Variants in SLC12A3 observed in about 807,000 individuals in gnomAD.
SLC12A3 encodes solute carrier family 12 member 3.
SLC12A3 carries 104 observed loss-of-function variants against 121.0 expected under a neutral mutation model. The ratio of observed to expected loss-of-function variants is 0.86; its 90% CI spans 0.73 to 1.01. The LOEUF is 1.01. SLC12A3 is among the 50% of genes least tolerant of loss of function. The pLI, the probability that SLC12A3 is intolerant of heterozygous loss-of-function variation, is 0.00. For synonymous variants in SLC12A3, 536 were observed against 533.4 expected (o/e 1.00, Z -0.07); for missense variants, 1,328 against 1,356.3 (o/e 0.98, Z 0.33).
intron 22 of SLC12A3, 98 bp downstream of exon 22, chr16:56,894,740 C>G (rs745597126): frequency 1.1e-6 from 1 of 875,584 alleles, no homozygotes. Flanking sequence ...TACCACCACC[C>G]CCAGGTGGGC....
rs752594293 is a variant in SLC12A3 at position 56,879,133 on chromosome 16, G to A, written c.1241G>A (p.Gly414Asp). 1.9e-6 allele frequency: 3 copies of A among 1,613,892 alleles called. No individual in the cohort carries two copies. The highest frequency in any genetic ancestry group is 2.5e-6 in the Non-Finnish European group (3 of 1,179,988). ...VLNDTVTPGW[G>D]ACEGLACSYG... The stretch of plus-strand genomic sequence containing the variant: ...AATGACACAGTGACCCCTGGCTGGG[G>A]TGCCTGCGAGGGGCTGGCCTGCAGC... Residue 414 changes from glycine (G) to aspartate (D), a missense_variant, in exon 10 of 26, where the codon GGT (glycine) becomes GAT (aspartate). Gly to Asp is a moderately conservative substitution (Grantham distance 94). Coordinates refer to ENST00000563236, the MANE Select transcript of SLC12A3 (RefSeq NM_001126108.2).
chr16:56,868,428 A>G, intron 3 of SLC12A3, 56 bp downstream of exon 3: 2 of 1,518,228 alleles, frequency 1.3e-6, no homozygotes, highest in Non-Finnish European at 1.8e-6. Flanking sequence ...CATTCTTCCC[A>G]GCTTGCCTGA....
chr16:56,913,156 C>A (rs1255242971), intron 25 of SLC12A3, 108 bp from the exon 26 acceptor site: 16 of 1,448,692 alleles, frequency 1.1e-5, no homozygotes, highest in Non-Finnish European at 1.4e-5. Flanking sequence ...GTGGAAGGAG[C>A]TCTGAGGGAC....
At chr16:56,898,253 GGTTTTGTTTT>G (rs71381143) in intron 22 of SLC12A3, among the ~76,000 whole-genome samples, 23,721 of 151,446 alleles carry the variant, frequency 0.16, 2,333 homozygotes, top group African/African-American at 0.27. Context: ...AGTTTGATTT[GGTTTTGTTTT>G]GTTTTGTTTT....
In SLC12A3 at chr16:56,885,323, G is replaced by T. The variant is rs5802; in HGVS notation, c.1884G>T (p.Ser628=). 6.4e-7 allele frequency: 1 copy of T among 1,555,830 alleles called. No individual in the cohort carries two copies. Among genetic ancestry groups the T allele is most frequent in the Admixed American group, 1.9e-5 (1 of 51,546 alleles). Residue 628 remains serine (S), a synonymous_variant, in exon 15 of 26, where the codon TCG becomes TCT. Transcript: ENST00000563236. ...AGSYNLALSY[S]VGLNEVEDHI... ...CCTACAACCTGGCCCTCAGCTACTC[G>T]GTGGGCCTCAATGAGGTGGAAGACC...
Position 56,903,212 on chromosome 16 carries a change from C to T in SLC12A3, c.2856+704C>T, listed in dbSNP as rs1484412216. On this transcript the variant is annotated intron_variant, in intron 24 of 25. Transcript: ENST00000563236. ...CTGCCTGACCTTCCCTGCTTAGCCT[C>T]TAGACCCTACCCCTGCCACAGCTCA... 5.3e-5 allele frequency among the ~76,000 whole-genome samples: 8 copies of T among 152,144 alleles called. No individual in the cohort carries two copies. The South Asian group carries it at 1.5e-3, about 28-fold the overall frequency.
chr16:56,894,733 C>T (rs1255108540), intron 22 of SLC12A3, 91 bp downstream of exon 22: 12 of 945,686 alleles, frequency 1.3e-5, no homozygotes, highest in Non-Finnish European at 2.0e-5. Flanking sequence ...GATCCTCTAC[C>T]ACCACCCCCA....
At chr16:56,912,107 G>T (rs2055694082) in intron 25 of SLC12A3, among the ~76,000 whole-genome samples, 1 of 152,268 alleles carries the variant, frequency 6.6e-6, no homozygotes, top group Non-Finnish European at 1.5e-5. Flanking sequence ...AAGGAGCGCG[G>T]TGCTGCGGGC....
chr16:56,904,822 G>A, intron 25 of SLC12A3: 2 of 352,816 alleles, frequency 5.7e-6, no homozygotes, highest in South Asian at 4.5e-5. Flanking sequence ...GGAATTACTT[G>A]GCCCTCCTTG....
intron 12 of SLC12A3, 149 bp downstream of exon 12, chr16:56,880,402 G>A (rs2055225252): frequency 2.0e-6 from 2 of 979,916 alleles, no homozygotes; most frequent in Non-Finnish European, 3.0e-6. Context: ...CTTGAGGGGT[G>A]AGACCCCACC....
chr16:56,887,475 C>A (rs904409072), intron 17 of SLC12A3, among the ~76,000 whole-genome samples: 1 of 151,640 alleles, frequency 6.6e-6, no homozygotes, highest in Non-Finnish European at 1.5e-5. Context: ...CCAGAGTGCT[C>A]GGTTTACAGG....
intron 23 of SLC12A3, 25 bp from the exon 24 acceptor site, chr16:56,902,348 C>T: frequency 6.2e-7 from 1 of 1,614,036 alleles, no homozygotes; most frequent in Non-Finnish European, 8.5e-7. Flanking sequence ...TCTCAGCCGG[C>T]CTCAACCCAC....
At chr16:56,878,883 C>T (rs1459307808) in intron 9 of SLC12A3, among the ~76,000 whole-genome samples, 190 bp from the exon 10 acceptor site, 1 of 152,190 alleles carries the variant, frequency 6.6e-6, no homozygotes, top group Non-Finnish European at 1.5e-5. Flanking sequence ...AATAGTAATG[C>T]CTGCTCGTAG....
At chr16:56,881,164 C>T (rs2055235208) in intron 12 of SLC12A3, among the ~76,000 whole-genome samples, 1 of 152,240 alleles carries the variant, frequency 6.6e-6, no homozygotes, top group African/African-American at 2.4e-5. Context: ...GCCAGCCTCC[C>T]TGGGCTCATG....
intron 12 of SLC12A3, among the ~76,000 whole-genome samples, chr16:56,881,325 G>T (rs1468179479): frequency 6.6e-6 from 1 of 152,202 alleles, no homozygotes; most frequent in Non-Finnish European, 1.5e-5. Flanking sequence ...AGGTGGCAGG[G>T]ATGGAAAAGT....
At chr16:56,901,347 C>CTTTTCTTTTTTT (rs2055535969) in intron 23 of SLC12A3, among the ~76,000 whole-genome samples, 1 of 128,904 alleles carries the variant, frequency 7.8e-6, no homozygotes, top group Non-Finnish European at 1.6e-5. Context: ...CTCTCTCTCT[C>CTTTTCTTTTTTT]TTTTTTTTTT....
Position 56,872,712 on chromosome 16 carries a change from T to C in SLC12A3, c.1021T>C (p.Phe341Leu). Residue 341 changes from phenylalanine (F) to leucine (L), a missense_variant, in exon 8 of 26, where the codon TTC becomes CTC. Transcript: ENST00000563236. ...CTGGCGGGGTCCAGATGGCACCTTC[T>C]TCGGAATGTTCTCCATCTTCTTCCC... ...PDWRGPDGTF[F>L]GMFSIFFPSA... 2 of 1,614,280 alleles carry C rather than the reference T, an allele frequency of 1.2e-6. No homozygotes were observed. Among genetic ancestry groups the C allele is most frequent in the Non-Finnish European group, 1.7e-6 (2 of 1,180,042 alleles).
At chr16:56,885,103 C>T (rs539519552) in intron 14 of SLC12A3, among the ~76,000 whole-genome samples, 162 bp from the exon 15 acceptor site, 49 of 152,252 alleles carry the variant, frequency 3.2e-4, no homozygotes, top group African/African-American at 6.0e-4. Context: ...CCACACAGTC[C>T]GCAGGCCTCC....
intron 10 of SLC12A3, 88 bp from the exon 11 acceptor site, chr16:56,879,454 C>T (rs2144712276): frequency 2.5e-6 from 3 of 1,213,644 alleles, no homozygotes; most frequent in Non-Finnish European, 3.6e-6. Context: ...GGACCCAGCC[C>T]CTGCCCGCAG....
Sources: allele counts gnomAD v4.1 joint callset (sites outside exome capture counted in the v4.1 genomes callset), GRCh38; gene constraint gnomAD v4.1.1; transcripts MANE v1.5; gene names NCBI Gene and HGNC (gene_info 2026-07-23, HGNC 2026-07-21).